ZNF367: variants seen among roughly 807,000 people sequenced by gnomAD.
ZNF367 encodes zinc finger protein 367, also known as C2H2 zinc finger protein ZFF29.
In ZNF367, 11 loss-of-function variants were observed where a neutral mutation model predicts 31.8. That is an observed-to-expected ratio of 0.35 (90% confidence interval 0.22 to 0.57). The LOEUF (loss-of-function observed/expected upper bound fraction) is 0.57. ZNF367 is among the 20% of genes least tolerant of loss of function. The pLI is 0.85. For missense variants in ZNF367, 353 were observed against 484.1 expected (o/e 0.73, Z 2.54); for synonymous variants, 199 against 202.4 (o/e 0.98, Z 0.14).
intron 1 of ZNF367, among the ~76,000 whole-genome samples, chr9:96,402,805 A>G (rs1184114678): frequency 6.6e-6 from 1 of 151,748 alleles, no homozygotes; most frequent in African/African-American, 2.4e-5. Context: ...TAAGACAACT[A>G]GGCAGAAGAT....
rs149177801 is a variant in ZNF367, at chr9:96,388,345, G to A, written c.945C>T (p.Asp315=). The A allele has an allele frequency of 8.7e-6, 14 of 1,613,070 alleles. No individual in the cohort carries two copies. Among genetic ancestry groups the A allele is most frequent in the South Asian group, 7.7e-5 (7 of 91,032 alleles). The change falls in exon 5 of 5, where the codon GAC becomes GAT. Residue 315 remains aspartate, a synonymous_variant. Coordinates refer to ENST00000375256, the MANE Select transcript of ZNF367 (RefSeq NM_153695.4). ...LEYLQSDEED[D]EKRGAQRRLQ... ...GCCGGCGCTGGGCCCCTCTCTTCTC[G>A]TCGTCCTCTTCATCAGACTGAAGGT...
At chr9:96,411,853 A>G (rs1831755791) in intron 1 of ZNF367, among the ~76,000 whole-genome samples, 1 of 151,880 alleles carries the variant, frequency 6.6e-6, no homozygotes, top group Admixed American at 6.6e-5. Flanking sequence ...TTTGAGATGG[A>G]CTCTGGCTCT....
rs1173434048 is a variant in ZNF367, at chr9:96,388,257, C to G, written c.1033G>C (p.Gly345Arg). Reference protein sequence around the residue: ...LALIELANLTGAPLRQ With the variant: ...LALIELANLTRAPLRQ ...CCAAGCTACTGTCGGAGTGGCGCCC[C>G]AGTCAGGTTGGCAAGCTCTATGAGC... The change falls in exon 5 of 5, where the codon GGG becomes CGG. Residue 345 changes from glycine (G) to arginine (R), a missense_variant. Physicochemically the swap from Gly to Arg is moderately radical, Grantham distance 125 (BLOSUM62 -2). Around this residue, in one of 5 missense-constraint regions of ZNF367, gnomAD observed 101 missense variants for 140.0 expected, o/e 0.72. Transcript: ENST00000375256. 3.1e-6 allele frequency: 5 copies of G among 1,611,334 alleles called. No individual in the cohort carries two copies. The Admixed American group carries it at 8.4e-5, about 27-fold the overall frequency.
intron 1 of ZNF367, among the ~76,000 whole-genome samples, chr9:96,408,612 G>A (rs1375774559): frequency 6.6e-6 from 1 of 152,194 alleles, no homozygotes; most frequent in Non-Finnish European, 1.5e-5. Flanking sequence ...AGGGACTAGA[G>A]AGGGGCGGGG....
Position 96,398,328 on chromosome 9 carries a change from T to G in ZNF367, c.421-14A>C. ...TCGGATTCCATCCTGTTGATAATTT[T>G]TATAAACATTAATATAATTTATTTA... On this transcript the variant is annotated splice_polypyrimidine_tract_variant and intron_variant, in intron 1 of 4. Coordinates refer to ENST00000375256, the MANE Select transcript of ZNF367 (RefSeq NM_153695.4). 2 of 1,590,954 alleles carry G rather than the reference T, an allele frequency of 1.3e-6. No homozygotes were observed. The highest frequency in any genetic ancestry group is 1.7e-4 in the Middle Eastern group (1 of 5,926).
At chr9:96,396,623 C>T in intron 2 of ZNF367, among the ~76,000 whole-genome samples, 1 of 151,842 alleles carries the variant, frequency 6.6e-6, no homozygotes, top group South Asian at 2.1e-4. Flanking sequence ...ATATGAACCA[C>T]TTCTAGAAGG....
intron 4 of ZNF367, among the ~76,000 whole-genome samples, chr9:96,389,943 T>G (rs1359620136): frequency 6.7e-6 from 1 of 149,508 alleles, no homozygotes; most frequent in Non-Finnish European, 1.5e-5. Context: ...TTCACTCTTC[T>G]TGCCCAGGCT....
chr9:96,401,383 C>T (rs1831601633), intron 1 of ZNF367, among the ~76,000 whole-genome samples: 2 of 151,594 alleles, frequency 1.3e-5, no homozygotes, highest in South Asian at 2.1e-4. Flanking sequence ...AAAATTAGGC[C>T]GGGCACGTGG....
At chr9:96,393,245 C>G (rs1020958746) in intron 3 of ZNF367, among the ~76,000 whole-genome samples, 2 of 151,802 alleles carry the variant, frequency 1.3e-5, no homozygotes, top group African/African-American at 2.4e-5. Flanking sequence ...ATATTCAGAC[C>G]AGGTGCAGTG....
At chr9:96,395,574 G>C (rs530418564) in intron 2 of ZNF367, among the ~76,000 whole-genome samples, 6 of 152,294 alleles carry the variant, frequency 3.9e-5, no homozygotes, top group South Asian at 2.1e-4. Flanking sequence ...ATTCCAGCCA[G>C]GAGGCAGTTC....
At chr9:96,398,427 A>G in intron 1 of ZNF367, 113 bp from the exon 2 acceptor site, 1 of 901,788 alleles carries the variant, frequency 1.1e-6, no homozygotes, top group South Asian at 2.1e-5. Context: ...GCAGCGGCAC[A>G]CACTTATAGT....
intron 3 of ZNF367, 133 bp from the exon 4 acceptor site, chr9:96,392,669 G>T: frequency 3.0e-6 from 4 of 1,331,460 alleles, no homozygotes; most frequent in Non-Finnish European, 4.1e-6. Flanking sequence ...ATTTGGAGGA[G>T]AAAACAATCA....
chr9:96,411,801 A>G (rs1831754856), intron 1 of ZNF367, among the ~76,000 whole-genome samples: 1 of 152,142 alleles, frequency 6.6e-6, no homozygotes, highest in Non-Finnish European at 1.5e-5. Flanking sequence ...GGAAGGGTTC[A>G]CTAAGTGCAT....
In ZNF367 at chr9:96,388,285, G is replaced by A. The variant is rs1000389186; in HGVS notation, c.1005C>T (p.Leu335=). Residue 335 remains leucine (L), a synonymous_variant, in exon 5 of 5, where the codon CTC becomes CTT. Transcript: ENST00000375256. ...QEQRERLHGA[L]ALIELANLTG... The stretch of plus-strand genomic sequence containing the variant: ...TCAGGTTGGCAAGCTCTATGAGCGC[G>A]AGGGCTCCATGCAGGCGCTCCCGCT... The A allele has an allele frequency of 1.9e-5, 31 of 1,612,180 alleles. No individual in the cohort carries two copies. The highest frequency in any genetic ancestry group is 2.2e-4 in the Middle Eastern group (1 of 4,452).
At chr9:96,405,786 G>A (rs973182976) in intron 1 of ZNF367, among the ~76,000 whole-genome samples, 4 of 152,196 alleles carry the variant, frequency 2.6e-5, no homozygotes, top group Non-Finnish European at 5.9e-5. Flanking sequence ...TCCAAGGTCT[G>A]CATGTAGTAG....
chr9:96,415,533 T>C, intron 1 of ZNF367, among the ~76,000 whole-genome samples: 2 of 120,738 alleles, frequency 1.7e-5, no homozygotes. Context: ...AGTCTCACTC[T>C]GTCCCCCAGG....
rs372000877 is a variant in ZNF367 at position 96,407,787 on chromosome 9, C to CATCAGGCCA, written c.421-9482_421-9474dup. 4.6e-4 allele frequency: 606 copies of CATCAGGCCA among 1,315,078 alleles called. 5 individuals are homozygous for CATCAGGCCA. The African/African-American group carries it at 8.1e-3, about 18-fold the overall frequency. The allele number at this position is 1,315,078 out of a possible 1,614,324, so 81.5% of individuals were successfully genotyped here. A position where few individuals can be genotyped will look rare whatever the true frequency, so the allele number is the denominator to read the frequency against. On this transcript the variant is annotated intron_variant, in intron 1 of 4. Transcript: ENST00000375256. The stretch of plus-strand genomic sequence containing the variant: ...GAAAACCACCTAAATATGAAAGATT[C>CATCAGGCCA]ATCAGGCCAATGAGACGGGGTTTCA...
chr9:96,410,334 G>A (rs189706064), intron 1 of ZNF367, among the ~76,000 whole-genome samples: 349 of 151,922 alleles, frequency 2.3e-3, no homozygotes, highest in African/African-American at 7.8e-3. Context: ...GACCGAGGCG[G>A]GTGGATCACG....
In ZNF367 at chr9:96,415,955, G is replaced by A. The variant is rs1322445810; in HGVS notation, c.420+1658C>T. 3.3e-5 allele frequency among the ~76,000 whole-genome samples: 5 copies of A among 151,864 alleles called. No homozygotes were observed. The East Asian group carries it at 9.7e-4, about 29-fold the overall frequency. On this transcript the variant is annotated intron_variant, in intron 1 of 4. Transcript: ENST00000375256. ...GTAGCTACGTATATAGGTGCAGGCC[G>A]CCAGATGCGGTCTATGTTGCCCAGG...
Sources: allele counts gnomAD v4.1 joint callset (sites outside exome capture counted in the v4.1 genomes callset), GRCh38; gene constraint gnomAD v4.1.1; regional missense constraint gnomAD v4.1.1; transcripts MANE v1.5; gene names NCBI Gene and HGNC (gene_info 2026-07-23, HGNC 2026-07-21).